Variants in OR9G4 observed in about 807,000 individuals in gnomAD.
OR9G4 encodes olfactory receptor 9G4.
A neutral mutation model predicts 16.7 loss-of-function variants in OR9G4; 19 were observed. The observed-to-expected ratio is 1.14, with a 90% CI of 0.79 to 1.67. The LOEUF (loss-of-function observed/expected upper bound fraction) is 1.67, where lower values mean the gene tolerates loss of function less well. Among genes scored for constraint, OR9G4 ranks in the 40% most tolerant of loss-of-function variants. The pLI is 0.00. For synonymous variants in OR9G4, 182 were observed against 146.2 expected (o/e 1.24, Z -1.76); for missense variants, 428 against 370.4 (o/e 1.16, Z -1.28).
At position 56,741,260 on chromosome 11, in the gene OR9G4, A is replaced by G. The variant is rs1460341912; in HGVS notation, c.*1568T>C. ...TTCGTTTGTTTGTTATGATTTTGAG[A>G]TCAGACTATAATATATACTACAGTA... On this transcript the variant is annotated 3_prime_UTR_variant, in exon 2 of 2. Coordinates refer to ENST00000641668, the MANE Select transcript of OR9G4 (RefSeq NM_001005284.2). The G allele has an allele frequency of 8.6e-6, 3 of 347,978 alleles. No homozygotes were observed. The highest frequency in any genetic ancestry group is 1.7e-5 in the Non-Finnish European group (3 of 178,844). The allele number at this position is 347,978 out of a possible 1,614,324, so 21.6% of individuals were successfully genotyped here. A position where few individuals can be genotyped will look rare whatever the true frequency, so the allele number is the denominator to read the frequency against.
rs1326510102 is a variant in OR9G4 at position 56,742,521 on chromosome 11, C to T, written c.*307G>A. 3 of 261,418 alleles carry T rather than the reference C, an allele frequency of 1.1e-5. No homozygotes were observed. The highest frequency in any genetic ancestry group is 2.2e-5 in the African/African-American group (1 of 44,792). 16.2% of individuals were successfully genotyped at this position (261,418 alleles called of 1,614,324 possible). A position where few individuals can be genotyped will look rare whatever the true frequency, so the allele number is the denominator to read the frequency against. ...AAGTCAAACTATATTCATTAACCCA[C>T]GTAATTTATTTTGTTCCCCAAGATC... On this transcript the variant is annotated 3_prime_UTR_variant, in exon 2 of 2. Transcript: ENST00000641668.
chr11:56,742,117 A>G lies in OR9G4; in HGVS notation c.*711T>C, dbSNP rs960142897. ...GTTACTATTGTTGTTCATTTGTTTT[A>G]TTTCGTTTGATGTTGTCACATCGCT... On this transcript the variant is annotated 3_prime_UTR_variant, in exon 2 of 2. Transcript: ENST00000641668. 3.9e-5 allele frequency: 6 copies of G among 152,344 alleles called. No individual in the cohort carries two copies. The highest frequency in any genetic ancestry group is 2.1e-4 in the South Asian group (1 of 4,830). The allele number at this position is 152,344 out of a possible 1,614,324, so 9.4% of individuals were successfully genotyped here.
intron 1 of OR9G4, 130 bp from the exon 2 acceptor site, chr11:56,743,918 C>T: frequency 9.7e-7 from 1 of 1,035,652 alleles, no homozygotes; most frequent in South Asian, 1.7e-5. Flanking sequence ...AATTATAGGA[C>T]TTCAGTCCAT....
At position 56,743,266 on chromosome 11, in the gene OR9G4, A is replaced by AT. The variant is rs768759885; in HGVS notation, c.500dup (p.His167GlnfsTer5). 8.1e-6 allele frequency: 13 copies of AT among 1,614,082 alleles called. No homozygotes were observed. The East Asian group carries it at 2.9e-4, about 36-fold the overall frequency. On this transcript the variant is annotated frameshift_variant, in exon 2 of 2. Transcript: ENST00000641668. LOFTEE classifies it high-confidence loss of function. ...GGTCAATGATATTTTTACCACAAAA[A>AT]TGCAGGCGGAATGTATTGGCAGTAT...
chr11:56,742,122 G>A lies in OR9G4; in HGVS notation c.*706C>T, dbSNP rs546042599. ...TATTGTTGTTCATTTGTTTTATTTC[G>A]TTTGATGTTGTCACATCGCTGTGTG... On this transcript the variant is annotated 3_prime_UTR_variant, in exon 2 of 2. Transcript: ENST00000641668. The A allele has an allele frequency of 7.2e-5, 11 of 152,350 alleles. No individual in the cohort carries two copies. Among genetic ancestry groups the A allele is most frequent in the East Asian group, 5.8e-4 (3 of 5,184 alleles). The allele number at this position is 152,350 out of a possible 1,614,324, so 9.4% of individuals were successfully genotyped here.
At chr11:56,744,377 G>C (rs549041533) in intron 1 of OR9G4, among the ~76,000 whole-genome samples, 1 of 152,268 alleles carries the variant, frequency 6.6e-6, no homozygotes, top group South Asian at 2.1e-4. Context: ...TTGACAGACT[G>C]TCTGATTGAA....
chr11:56,745,350 C>A (rs1858390814), intron 1 of OR9G4, among the ~76,000 whole-genome samples: 1 of 152,124 alleles, frequency 6.6e-6, no homozygotes, highest in Admixed American at 6.5e-5. Flanking sequence ...TGGTACATAT[C>A]CCTGACACTA....
In OR9G4 at chr11:56,743,176, T is replaced by G. The variant is rs1379472142; in HGVS notation, c.591A>C (p.Lys197Asn). 7 of 1,614,114 alleles carry G rather than the reference T, an allele frequency of 4.3e-6. No homozygotes were observed. In the South Asian group the frequency reaches 4.4e-5, roughly 10 times the overall value. The change falls in exon 2 of 2, where the codon AAA (lysine) becomes AAC (asparagine). Residue 197 changes from lysine (K) to asparagine (N), a missense_variant. Physicochemically the swap from Lys to Asn is moderately conservative, Grantham distance 94. Coordinates refer to ENST00000641668, the MANE Select transcript of OR9G4 (RefSeq NM_001005284.2). ...MSCTNTRVYEKVLLGVVGFTV... is the reference protein window; with the variant it reads ...MSCTNTRVYENVLLGVVGFTV... ...TGAAGCCCACCACACCAAGCAGGAC[T>G]TTTTCGTAGACCCTGGTGTTTGTAC...
At position 56,746,280 on chromosome 11, in the gene OR9G4, G is replaced by A. The variant is rs1402446929; in HGVS notation, c.-23+2376C>T. Among the ~76,000 whole-genome samples the A allele has an allele frequency of 7.7e-5, 9 of 116,166 alleles. No homozygotes were observed. In the East Asian group the frequency reaches 1.2e-3, roughly 16 times the overall value. 76.2% of individuals were successfully genotyped at this position (116,166 alleles called of 152,430 possible). A position where few individuals can be genotyped will look rare whatever the true frequency, so the allele number is the denominator to read the frequency against. ...TGCACTCCAGCCTGGGCGACAGAGC[G>A]AGACTCCGTCTCAAAAAAAAAAAAA... is the stretch of plus-strand genomic sequence containing the variant. On this transcript the variant is annotated intron_variant, in intron 1 of 1. Coordinates refer to ENST00000641668, the MANE Select transcript of OR9G4 (RefSeq NM_001005284.2).
intron 1 of OR9G4, among the ~76,000 whole-genome samples, chr11:56,745,904 ACT>A (rs1276013818): frequency 3.3e-5 from 5 of 152,130 alleles, no homozygotes; most frequent in African/African-American, 9.7e-5. Flanking sequence ...GGACATTACC[ACT>A]GTCTTGGTTG....
Position 56,741,249 on chromosome 11 carries a change from A to T in OR9G4, c.*1579T>A. ...TTTCTTTGTGTTTCGTTTGTTTGTT[A>T]TGATTTTGAGATCAGACTATAATAT... On this transcript the variant is annotated 3_prime_UTR_variant, in exon 2 of 2. Transcript: ENST00000641668. 3.0e-6 allele frequency: 1 copy of T among 333,192 alleles called. No homozygotes were observed. The allele number at this position is 333,192 out of a possible 1,614,324, so 20.6% of individuals were successfully genotyped here.
In OR9G4 at chr11:56,746,330, G is replaced by A. The variant is rs1329199729; in HGVS notation, c.-23+2326C>T. Among the ~76,000 whole-genome samples, 5 of 147,042 alleles carry A rather than the reference G, an allele frequency of 3.4e-5. No individual in the cohort carries two copies. The South Asian group carries it at 8.6e-4, about 25-fold the overall frequency. ...AAAAAAAAAAAAAATACAATCCTAT[G>A]AAGTTGTGCATATTTTCTAAACACT... is the stretch of plus-strand genomic sequence containing the variant. On this transcript the variant is annotated intron_variant, in intron 1 of 1. Transcript: ENST00000641668.
chr11:56,745,734 T>C (rs1323049900), intron 1 of OR9G4, among the ~76,000 whole-genome samples: 1 of 149,588 alleles, frequency 6.7e-6, no homozygotes, highest in Non-Finnish European at 1.5e-5. Context: ...ATTGCACCAT[T>C]GCACTCCAGC....
At chr11:56,747,183 TTTATTATTA>T (rs71058030) in intron 1 of OR9G4, among the ~76,000 whole-genome samples, 16 of 142,836 alleles carry the variant, frequency 1.1e-4, no homozygotes, top group Admixed American at 2.8e-4. Flanking sequence ...GCATCAAAGA[TTTATTATTA>T]TTATTATTAT....
chr11:56,747,523 A>G (rs897393964), intron 1 of OR9G4, among the ~76,000 whole-genome samples: 4 of 152,160 alleles, frequency 2.6e-5, no homozygotes, highest in Non-Finnish European at 4.4e-5. Flanking sequence ...CAACATCTAT[A>G]CAGCAAAATA....
rs995767273 is a variant in OR9G4, at chr11:56,741,988, T to G, written c.*840A>C. ...TCGATCTAAACAAGTTTACCAGTTC[T>G]TAGGAATGTTCAAGGCCCAGGCTAG... is the stretch of plus-strand genomic sequence containing the variant. On this transcript the variant is annotated 3_prime_UTR_variant, in exon 2 of 2. Coordinates refer to ENST00000641668, the MANE Select transcript of OR9G4 (RefSeq NM_001005284.2). 19 of 152,228 alleles carry G rather than the reference T, an allele frequency of 1.2e-4. No individual in the cohort carries two copies. The highest frequency in any genetic ancestry group is 4.6e-4 in the African/African-American group (19 of 41,442). The allele number at this position is 152,228 out of a possible 1,614,324, so 9.4% of individuals were successfully genotyped here. A position where few individuals can be genotyped will look rare whatever the true frequency, so the allele number is the denominator to read the frequency against.
In OR9G4 at chr11:56,743,108, T is replaced by G; in HGVS notation, c.659A>C (p.Asn220Thr). 1 of 1,614,190 alleles carries G rather than the reference T, an allele frequency of 6.2e-7. No homozygotes were observed. Among genetic ancestry groups the G allele is most frequent in the Non-Finnish European group, 8.5e-7 (1 of 1,180,028 alleles). The change falls in exon 2 of 2, where the codon AAC becomes ACC. Residue 220 changes from asparagine to threonine, a missense_variant. Coordinates refer to ENST00000641668, the MANE Select transcript of OR9G4 (RefSeq NM_001005284.2). ...GATTCTCAGGATAGCCAGGAGGATGTTGACATAGGAAATCAGGATAGCAAG... is the reference window on the plus strand; with the variant it reads ...GATTCTCAGGATAGCCAGGAGGATGGTGACATAGGAAATCAGGATAGCAAG... ...SILAILISYVNILLAILRIHS... is the reference protein window; with the variant it reads ...SILAILISYVTILLAILRIHS...
At chr11:56,745,497 G>A (rs893876434) in intron 1 of OR9G4, among the ~76,000 whole-genome samples, 6 of 151,954 alleles carry the variant, frequency 3.9e-5, no homozygotes, top group Non-Finnish European at 5.9e-5. Flanking sequence ...AAATTGTTAC[G>A]TGCCAGGTGC....
intron 1 of OR9G4, among the ~76,000 whole-genome samples, chr11:56,745,869 A>T (rs1032500570): frequency 6.6e-6 from 1 of 152,162 alleles, no homozygotes; most frequent in South Asian, 2.1e-4. Flanking sequence ...CAGTCCTTAC[A>T]TACACACGTA....
Sources: allele counts gnomAD v4.1 joint callset (sites outside exome capture counted in the v4.1 genomes callset), GRCh38; gene constraint gnomAD v4.1.1; transcripts MANE v1.5; gene names NCBI Gene and HGNC (gene_info 2026-07-23, HGNC 2026-07-21).